PLEKHG7: variants seen among roughly 807,000 people sequenced by gnomAD.
The protein encoded by PLEKHG7 is pleckstrin homology domain-containing family G member 7.
A neutral mutation model predicts 85.2 loss-of-function variants in PLEKHG7; 77 were observed. The ratio of observed to expected loss-of-function variants is 0.90; its 90% CI spans 0.75 to 1.09. PLEKHG7 has a LOEUF of 1.09. Among genes scored for constraint, PLEKHG7 ranks in the 50% least tolerant of loss-of-function variants. PLEKHG7 has a pLI of 0.00. For synonymous variants in PLEKHG7, 301 were observed against 302.4 expected, an observed-to-expected ratio of 1.00 and a Z score of 0.05; for missense variants, 777 against 804.3, an observed-to-expected ratio of 0.97 and a Z score of 0.41.
At position 92,770,131 on chromosome 12, in the gene PLEKHG7, C is replaced by T. The variant is rs1873362626; in HGVS notation, c.2012C>T (p.Thr671Ile). ...ATAACAACTGCAATTTCTTGCTTTA[C>T]CAAGAGTCAGGAAACCAAGAAAATA... ...AQITTAISCF[T>I]KSQETKKISL... Residue 671 changes from threonine (T) to isoleucine (I), a missense_variant, in exon 17 of 17, where the codon ACC (threonine) becomes ATC (isoleucine). Physicochemically the swap from Thr to Ile is moderately conservative, Grantham distance 89 (BLOSUM62 -1). Around this residue, in one of 3 missense-constraint regions of PLEKHG7, gnomAD observed 520 missense variants for 544.0 expected, o/e 0.96. Transcript: ENST00000344636. 6.2e-7 allele frequency: 1 copy of T among 1,607,330 alleles called. No individual in the cohort carries two copies. Among genetic ancestry groups the T allele is most frequent in the Non-Finnish European group, 8.5e-7 (1 of 1,177,864 alleles).
chr12:92,737,527 G>T lies in PLEKHG7; in HGVS notation c.939+6G>T. On this transcript the variant is annotated splice_donor_region_variant and intron_variant, in intron 7 of 16. Transcript: ENST00000344636. ...ATTTATTAGTTCTTAAGATGGTAAT[G>T]CCAGGCTTAATTTTTGTAGTAGATG... The T allele has an allele frequency of 6.2e-7, 1 of 1,606,946 alleles. No homozygotes were observed.
chr12:92,709,893 T>C (rs1413946643), intron 3 of PLEKHG7, among the ~76,000 whole-genome samples: 1 of 152,118 alleles, frequency 6.6e-6, no homozygotes, highest in Non-Finnish European at 1.5e-5. Flanking sequence ...AAATATTTTT[T>C]CTTTAAATAA....
intron 13 of PLEKHG7, 90 bp downstream of exon 13, chr12:92,756,481 G>A: frequency 3.0e-6 from 3 of 984,272 alleles, no homozygotes; most frequent in Non-Finnish European, 4.9e-6. Context: ...GAGGACTTGT[G>A]TTTGCCTATG....
chr12:92,732,745 T>G (rs1872027767), intron 5 of PLEKHG7, among the ~76,000 whole-genome samples: 1 of 152,210 alleles, frequency 6.6e-6, no homozygotes, highest in Non-Finnish European at 1.5e-5. Context: ...AAATTCATTC[T>G]TGGCTCCATC....
At chr12:92,726,741 G>T (rs1172765743) in intron 3 of PLEKHG7, among the ~76,000 whole-genome samples, 1 of 152,136 alleles carries the variant, frequency 6.6e-6, no homozygotes, top group Non-Finnish European at 1.5e-5. Context: ...CACATTTCAT[G>T]AAATGGGCCA....
At chr12:92,743,549 A>AT (rs143006049) in intron 9 of PLEKHG7, among the ~76,000 whole-genome samples, 11,975 of 120,000 alleles carry the variant, frequency 0.1, 621 homozygotes, top group African/African-American at 0.18. Context: ...TAATGACTCT[A>AT]TTTTTGGTGG....
intron 13 of PLEKHG7, 144 bp from the exon 14 acceptor site, chr12:92,761,608 A>AGAAAG: frequency 2.0e-6 from 2 of 1,007,150 alleles, no homozygotes; most frequent in Non-Finnish European, 2.6e-6. Flanking sequence ...AAAGAAAGAA[A>AGAAAG]AAGAAAGAAA....
At chr12:92,733,200 C>G (rs1872043327) in intron 5 of PLEKHG7, among the ~76,000 whole-genome samples, 1 of 152,130 alleles carries the variant, frequency 6.6e-6, no homozygotes, top group Admixed American at 6.5e-5. Flanking sequence ...GGATTACTCT[C>G]CCTCAACTCA....
intron 3 of PLEKHG7, among the ~76,000 whole-genome samples, chr12:92,711,380 T>C (rs1871364709): frequency 6.6e-6 from 1 of 152,112 alleles, no homozygotes; most frequent in Admixed American, 6.5e-5. Context: ...GTGGAGACCA[T>C]GAGCATTTGA....
intron 13 of PLEKHG7, among the ~76,000 whole-genome samples, chr12:92,760,116 G>A (rs1872945162): frequency 6.6e-6 from 1 of 152,132 alleles, no homozygotes. Flanking sequence ...ATATGACTCA[G>A]AAGTTGCATG....
chr12:92,766,093 G>T (rs1873187822), intron 15 of PLEKHG7, among the ~76,000 whole-genome samples: 1 of 152,230 alleles, frequency 6.6e-6, no homozygotes, highest in Non-Finnish European at 1.5e-5. Flanking sequence ...ACCTTTGCTT[G>T]GTGAGTGCTC....
rs894075160 is a variant in PLEKHG7, at chr12:92,772,342, CTT to C, written c.*2148_*2149del. The C allele has an allele frequency of 2.1e-4, 32 of 151,858 alleles. No homozygotes were observed. The highest frequency in any genetic ancestry group is 6.8e-4 in the African/African-American group (28 of 41,474). 9.4% of individuals were successfully genotyped at this position (151,858 alleles called of 1,614,324 possible). ...AGGCAAAATGGCATTAATAATTTCT[CTT>C]GAGATCAGGAATTTAATTACTATTC... On this transcript the variant is annotated 3_prime_UTR_variant, in exon 17 of 17. Coordinates refer to ENST00000344636, the MANE Select transcript of PLEKHG7 (RefSeq NM_001377329.1).
At chr12:92,750,680 A>G (rs553090565) in intron 10 of PLEKHG7, among the ~76,000 whole-genome samples, 4 of 152,314 alleles carry the variant, frequency 2.6e-5, no homozygotes, top group Non-Finnish European at 4.4e-5. Flanking sequence ...TAGCACTGGA[A>G]CGCTGCTGCC....
intron 12 of PLEKHG7, 146 bp downstream of exon 12, chr12:92,756,086 G>T: frequency 1.4e-6 from 1 of 711,706 alleles, no homozygotes; most frequent in Non-Finnish European, 2.4e-6. Context: ...TTCATCTGTA[G>T]GGCATTGTAT....
chr12:92,704,651 A>C (rs113670307), intron 1 of PLEKHG7, among the ~76,000 whole-genome samples: 4 of 152,394 alleles, frequency 2.6e-5, no homozygotes, highest in African/African-American at 4.8e-5. Flanking sequence ...TTCTTTTGTG[A>C]ATAAGAGTTG....
In PLEKHG7 at chr12:92,755,959, T is replaced by G. The variant is rs1872816462; in HGVS notation, c.1542+19T>G. ...TCCAGAGGTACAAAAAAAAAATCAA[T>G]TAGGACTTATGTCCATTTCTGGAAT... On this transcript the variant is annotated intron_variant, in intron 12 of 16. Coordinates refer to ENST00000344636, the MANE Select transcript of PLEKHG7 (RefSeq NM_001377329.1). 6.6e-7 allele frequency: 1 copy of G among 1,520,642 alleles called. No individual in the cohort carries two copies. The highest frequency in any genetic ancestry group is 1.2e-5 in the South Asian group (1 of 86,052). The allele number at this position is 1,520,642 out of a possible 1,614,324, so 94.2% of individuals were successfully genotyped here. A position where few individuals can be genotyped will look rare whatever the true frequency, so the allele number is the denominator to read the frequency against.
rs1413123445 is a variant in PLEKHG7 at position 92,736,572 on chromosome 12, C to T, written c.790C>T (p.Leu264Phe). The T allele has an allele frequency of 3.3e-6, 4 of 1,224,072 alleles. No individual in the cohort carries two copies. The African/African-American group carries it at 6.2e-5, about 19-fold the overall frequency. The allele number at this position is 1,224,072 out of a possible 1,614,324, so 75.8% of individuals were successfully genotyped here. ...CTTCAGGGGCTATGACTTCTACGGT[C>T]TTAAGGTATCTTTCAAACTGTTAAC... The part of the protein sequence containing the change: ...TSFRGYDFYG[L>F]KDKTWDEVLE... Residue 264 changes from leucine to phenylalanine, a missense_variant, in exon 6 of 17, where the codon CTT (leucine) becomes TTT (phenylalanine). Physicochemically the swap from Leu to Phe is conservative, Grantham distance 22. This residue lies in a region of PLEKHG7 where 520 missense variants were observed against 544.0 expected (regional missense o/e 0.96). Transcript: ENST00000344636.
intron 13 of PLEKHG7, among the ~76,000 whole-genome samples, chr12:92,759,702 T>A (rs549648682): frequency 5.5e-4 from 84 of 152,312 alleles, no homozygotes; most frequent in African/African-American, 1.9e-3. Context: ...AGGAACTGAA[T>A]CGACCAGCAC....
chr12:92,705,697 C>T (rs1019342437), intron 1 of PLEKHG7, among the ~76,000 whole-genome samples: 32 of 152,174 alleles, frequency 2.1e-4, no homozygotes, highest in African/African-American at 7.5e-4. Flanking sequence ...AACTCTCATG[C>T]CATAAGGGAT....
Sources: allele counts gnomAD v4.1 joint callset (sites outside exome capture counted in the v4.1 genomes callset), GRCh38; gene constraint gnomAD v4.1.1; regional missense constraint gnomAD v4.1.1; transcripts MANE v1.5; gene names NCBI Gene and HGNC (gene_info 2026-07-23, HGNC 2026-07-21).